The following ARHGAP32 variants were observed in gnomAD, a reference collection of about 807,000 sequenced individuals.
ARHGAP32 encodes the protein rho GTPase-activating protein 32.
In ARHGAP32, 51 loss-of-function variants were observed where a neutral mutation model predicts 186.5. That is an observed-to-expected ratio of 0.27 (90% CI 0.22 to 0.35). The LOEUF is 0.35. ARHGAP32 is among the 10% of genes least tolerant of loss of function. The pLI is 1.00. For missense variants in ARHGAP32, 2,186 were observed against 2,623.5 expected (o/e 0.83, Z 3.64); for synonymous variants, 950 against 964.3 (o/e 0.99, Z 0.27).
intron 12 of ARHGAP32, among the ~76,000 whole-genome samples, chr11:128,993,026 TA>T (rs1166224917): frequency 6.6e-6 from 1 of 152,142 alleles, no homozygotes; most frequent in Non-Finnish European, 1.5e-5. Flanking sequence ...CATAAAAGAA[TA>T]AAAAGACAAC....
At chr11:128,995,909 C>CTTTTA (rs1406173028) in intron 12 of ARHGAP32, among the ~76,000 whole-genome samples, 11 of 152,178 alleles carry the variant, frequency 7.2e-5, no homozygotes, top group Admixed American at 6.5e-4. Flanking sequence ...ATGATGAACA[C>CTTTTA]TTTTATTTCT....
At chr11:129,155,623 T>C (rs1212269136) in intron 2 of ARHGAP32, among the ~76,000 whole-genome samples, 1 of 152,060 alleles carries the variant, frequency 6.6e-6, no homozygotes, top group Non-Finnish European at 1.5e-5. Context: ...AGTTCATTTA[T>C]CAGCAAGCAA....
chr11:128,969,076 A>T lies in ARHGAP32; in HGVS notation c.6137T>A (p.Leu2046Gln). The change falls in exon 23 of 23, where the codon CTG becomes CAG. Residue 2046 changes from leucine (L) to glutamine (Q), a missense_variant. Around this residue, in one of 5 missense-constraint regions of ARHGAP32, gnomAD observed 1,502 missense variants for 1,570.0 expected, o/e 0.96. Transcript: ENST00000682385. The surrounding 1 kb of genome is among the most constrained non-coding windows in gnomAD (Gnocchi z 4.8). ...AAAGACTCCTCGCTGGTGCTGAGGC[A>T]GGGAGTGGTAATCTTCCAGGTTATC... is the stretch of plus-strand genomic sequence containing the variant. ...QYDNLEDYHSLPQHQRGVFGG... is the reference protein window; with the variant it reads ...QYDNLEDYHSQPQHQRGVFGG... 6 of 1,610,372 alleles carry T rather than the reference A, an allele frequency of 3.7e-6. No individual in the cohort carries two copies. The highest frequency in any genetic ancestry group is 5.1e-6 in the Non-Finnish European group (6 of 1,177,550).
intron 11 of ARHGAP32, among the ~76,000 whole-genome samples, chr11:129,005,278 TAA>T (rs896502359): frequency 1.3e-5 from 2 of 152,218 alleles, no homozygotes; most frequent in Non-Finnish European, 2.9e-5. Flanking sequence ...GTCTTCTACT[TAA>T]GAGCAGTTTA....
intron 1 of ARHGAP32, among the ~76,000 whole-genome samples, chr11:129,216,428 T>C (rs912224922): frequency 6.6e-5 from 10 of 152,130 alleles, no homozygotes; most frequent in African/African-American, 2.4e-4. Flanking sequence ...ACTCCTGTAA[T>C]CCCAGCACTT....
chr11:129,052,226 T>A (rs1195277017), intron 10 of ARHGAP32, among the ~76,000 whole-genome samples: 1 of 152,216 alleles, frequency 6.6e-6, no homozygotes, highest in Non-Finnish European at 1.5e-5. Flanking sequence ...CAACTGTATG[T>A]ATGTATTTCA....
At chr11:129,197,211 TG>T (rs1944403716), upstream of ARHGAP32, among the ~76,000 whole-genome samples, 1 of 152,150 alleles carries the variant, frequency 6.6e-6, no homozygotes, top group Admixed American at 6.5e-5. Context: ...TTCTCCTTTT[TG>T]GGGGATGGGC....
intron 2 of ARHGAP32, among the ~76,000 whole-genome samples, chr11:129,155,725 A>C (rs559403625): frequency 9.2e-5 from 14 of 152,296 alleles, no homozygotes; most frequent in African/African-American, 3.4e-4. Context: ...ATTGGTTTAA[A>C]TCTACTGGTG....
chr11:129,182,848 A>G (rs1387611470), intron 1 of ARHGAP32, among the ~76,000 whole-genome samples: 4 of 151,760 alleles, frequency 2.6e-5, no homozygotes, highest in Non-Finnish European at 5.9e-5. Context: ...GGGTCTTGCT[A>G]TGTTGACTAG....
intron 1 of ARHGAP32, among the ~76,000 whole-genome samples, chr11:129,179,541 A>G: frequency 6.6e-6 from 1 of 151,428 alleles, no homozygotes; most frequent in Middle Eastern, 3.2e-3. Context: ...CTTGGAACCA[A>G]CCCAAATGTC....
chr11:129,088,343 A>T (rs1941471638), intron 6 of ARHGAP32, among the ~76,000 whole-genome samples: 1 of 152,224 alleles, frequency 6.6e-6, no homozygotes, highest in Non-Finnish European at 1.5e-5. Context: ...GCACTTTGGG[A>T]GGCCAAGGTG....
At position 129,164,384 on chromosome 11, in the gene ARHGAP32, G is replaced by A; in HGVS notation, c.160C>T (p.Pro54Ser). 1 of 1,579,734 alleles carries A rather than the reference G, an allele frequency of 6.3e-7. No homozygotes were observed. The highest frequency in any genetic ancestry group is 8.6e-7 in the Non-Finnish European group (1 of 1,161,306). Residue 54 changes from proline to serine, a missense_variant, in exon 2 of 23, where the codon CCA (proline) becomes TCA (serine). Coordinates refer to ENST00000682385, the MANE Select transcript of ARHGAP32 (RefSeq NM_001378024.1). ...SVHSEEDDFV[P>S]ELHRNVHPRE... is the part of the protein sequence containing the mutation. ...GGGTGTACATTTCTATGTAGCTCTGGAACAAAATCATCTTCTTCAGAATGT... is the reference window on the plus strand; with the variant it reads ...GGGTGTACATTTCTATGTAGCTCTGAAACAAAATCATCTTCTTCAGAATGT...
intron 6 of ARHGAP32, among the ~76,000 whole-genome samples, chr11:129,083,496 G>T (rs574965998): frequency 6.6e-5 from 10 of 152,094 alleles, no homozygotes; most frequent in Non-Finnish European, 1.3e-4. Flanking sequence ...TTGTATGTTC[G>T]TACAATGTGG....
intron 1 of ARHGAP32, among the ~76,000 whole-genome samples, chr11:129,218,013 A>T (rs928699331): frequency 6.6e-6 from 1 of 152,210 alleles, no homozygotes; most frequent in Non-Finnish European, 1.5e-5. Context: ...GACTTAACAC[A>T]GTACCAACTA....
intron 1 of ARHGAP32, among the ~76,000 whole-genome samples, chr11:129,250,489 A>G (rs1451792724): frequency 6.6e-6 from 1 of 152,214 alleles, no homozygotes; most frequent in Non-Finnish European, 1.5e-5. Flanking sequence ...ACAGCAATTT[A>G]TCTACAACAC....
intron 2 of ARHGAP32, among the ~76,000 whole-genome samples, chr11:129,159,315 TGAA>T (rs1565449083): frequency 1.3e-5 from 2 of 151,804 alleles, no homozygotes; most frequent in African/African-American, 4.8e-5. Context: ...GCCAGATTAA[TGAA>T]GAAGAAAAGA....
intron 1 of ARHGAP32, among the ~76,000 whole-genome samples, chr11:129,232,789 T>C (rs1944876212): frequency 6.6e-6 from 1 of 152,154 alleles, no homozygotes; most frequent in Admixed American, 6.5e-5. Context: ...TGGCATCACA[T>C]GTCCCCTTCC....
intron 18 of ARHGAP32, 145 bp downstream of exon 18, chr11:128,980,408 C>T: frequency 5.4e-6 from 3 of 557,730 alleles, no homozygotes; most frequent in East Asian, 3.0e-5. Context: ...AAGTATCATC[C>T]ATATTCGAAT....
At chr11:129,263,904 C>A (rs951571540) in intron 1 of ARHGAP32, among the ~76,000 whole-genome samples, 1 of 152,024 alleles carries the variant, frequency 6.6e-6, no homozygotes, top group African/African-American at 2.4e-5. Flanking sequence ...CTCCAAAAAA[C>A]TGAAAACAGG....
Sources: allele counts gnomAD v4.1 joint callset (sites outside exome capture counted in the v4.1 genomes callset), GRCh38; gene constraint gnomAD v4.1.1; regional missense constraint gnomAD v4.1.1; non-coding constraint Gnocchi (gnomAD v3.1); transcripts MANE v1.5; gene names NCBI Gene and HGNC (gene_info 2026-07-23, HGNC 2026-07-21).